Variants in CDK13 observed in about 807,000 individuals in gnomAD.
The protein encoded by CDK13 is cyclin-dependent kinase 13.
CDK13 carries 40 observed loss-of-function variants against 137.6 expected under a neutral mutation model. The observed-to-expected ratio is 0.29, with a 90% CI of 0.23 to 0.38. CDK13 has a LOEUF of 0.38. CDK13 is among the 10% of genes least tolerant of loss of function. The pLI is 1.00. For missense variants in CDK13, 1,704 were observed against 1,951.8 expected (o/e 0.87, Z 2.39); for synonymous variants, 869 against 760.1 (o/e 1.14, Z -2.36).
chr7:40,079,854 T>C (rs1296445669), intron 11 of CDK13, among the ~76,000 whole-genome samples: 1 of 152,230 alleles, frequency 6.6e-6, no homozygotes, highest in East Asian at 1.9e-4. Context: ...AGCTGGCTTC[T>C]CTTGAACCTG....
chr7:40,061,834 C>T (rs1015350827), intron 7 of CDK13: 2 of 152,176 alleles, frequency 1.3e-5, no homozygotes, highest in African/African-American at 4.8e-5. Context: ...GTGCTGTTTT[C>T]GTCAAACCTG....
intron 5 of CDK13, among the ~76,000 whole-genome samples, chr7:40,003,188 ACACACACACACACACACACT>A (rs1245973082): frequency 3.1e-5 from 3 of 97,264 alleles, no homozygotes; most frequent in South Asian, 3.3e-4. Flanking sequence ...ACACACACAC[ACACACACACACACACACACT>A]CTCTCTCTCT....
chr7:40,020,254 G>GTTTCT (rs1223446372), intron 5 of CDK13, among the ~76,000 whole-genome samples: 3 of 151,954 alleles, frequency 2.0e-5, no homozygotes, highest in African/African-American at 7.3e-5. Context: ...TTTCAGTAGA[G>GTTTCT]ATGGGGTTTC....
chr7:40,047,949 T>C, intron 7 of CDK13, 72 bp downstream of exon 7: 1 of 917,500 alleles, frequency 1.1e-6, no homozygotes, highest in Non-Finnish European at 1.7e-6. Flanking sequence ...GAATACCTTA[T>C]TGATAGTTTT....
Position 39,951,357 on chromosome 7 carries a change from G to T in CDK13, c.716G>T (p.Gly239Val). Residue 239 changes from glycine (G) to valine (V), a missense_variant, in exon 1 of 14, where the codon GGC becomes GTC. Coordinates refer to ENST00000181839, the MANE Select transcript of CDK13 (RefSeq NM_003718.5). The part of the protein sequence containing the change: ...SKSRSRHSHS[G>V]EERAEVAKSG... ...TCCCGCAGCCGCCACAGCCACAGCG[G>T]CGAGGAACGGGCCGAGGTCGCCAAG... 3 of 1,497,176 alleles carry T rather than the reference G, an allele frequency of 2.0e-6. No homozygotes were observed. The South Asian group carries it at 3.8e-5, about 19-fold the overall frequency. 92.7% of individuals were successfully genotyped at this position (1,497,176 alleles called of 1,614,324 possible).
chr7:39,984,507 A>G (rs1346411866), intron 1 of CDK13: 1 of 152,036 alleles, frequency 6.6e-6, no homozygotes, highest in Non-Finnish European at 1.5e-5. Context: ...TGCATAGTAG[A>G]TGTATATATT....
At chr7:40,031,532 A>G (rs1785379337) in intron 5 of CDK13, among the ~76,000 whole-genome samples, 1 of 152,164 alleles carries the variant, frequency 6.6e-6, no homozygotes, top group Non-Finnish European at 1.5e-5. Context: ...GAAAAAAAGA[A>G]AAGAAATATG....
intron 1 of CDK13, among the ~76,000 whole-genome samples, chr7:39,983,424 A>G (rs1226176895): frequency 1.3e-5 from 2 of 152,154 alleles, no homozygotes; most frequent in South Asian, 2.1e-4. Flanking sequence ...CCCGGCCCCA[A>G]AATATCTTTA....
intron 5 of CDK13, among the ~76,000 whole-genome samples, chr7:40,013,929 C>A (rs1784949160): frequency 6.6e-6 from 1 of 151,806 alleles, no homozygotes; most frequent in Non-Finnish European, 1.5e-5. Flanking sequence ...GAATACTATG[C>A]CAAGGAACCA....
intron 5 of CDK13, among the ~76,000 whole-genome samples, chr7:40,036,294 A>G (rs991720407): frequency 4.6e-5 from 7 of 152,206 alleles, no homozygotes; most frequent in African/African-American, 1.7e-4. Flanking sequence ...GCCTTCTAAA[A>G]TTTTATTTAC....
intron 1 of CDK13, among the ~76,000 whole-genome samples, chr7:39,968,521 C>T (rs913299647): frequency 2.0e-4 from 31 of 152,354 alleles, no homozygotes; most frequent in African/African-American, 7.5e-4. Flanking sequence ...TACAGACATG[C>T]ACCACTGTGC....
chr7:39,987,234 A>G (rs757569880), intron 1 of CDK13: 19 of 168,754 alleles, frequency 1.1e-4, no homozygotes, highest in Admixed American at 1.2e-4. Flanking sequence ...TACTTTTGAG[A>G]TGTGGCAACT....
intron 5 of CDK13, among the ~76,000 whole-genome samples, chr7:40,039,271 TAG>T (rs905005743): frequency 7.3e-5 from 11 of 150,734 alleles, no homozygotes; most frequent in East Asian, 3.9e-4. Flanking sequence ...TATATACAGA[TAG>T]AGAGAGAGAG....
chr7:40,019,338 G>A (rs1785066372), intron 5 of CDK13, among the ~76,000 whole-genome samples: 1 of 152,122 alleles, frequency 6.6e-6, no homozygotes, highest in Non-Finnish European at 1.5e-5. Flanking sequence ...ACAAACTTAA[G>A]CTAAAATTCA....
intron 5 of CDK13, among the ~76,000 whole-genome samples, chr7:40,008,161 G>T (rs1225976989): frequency 1.3e-5 from 2 of 152,114 alleles, no homozygotes; most frequent in African/African-American, 4.8e-5. Flanking sequence ...AATGTTTATT[G>T]TGCTAGTTTC....
chr7:40,055,068 T>G (rs1334311357), intron 7 of CDK13, among the ~76,000 whole-genome samples: 1 of 152,138 alleles, frequency 6.6e-6, no homozygotes, highest in East Asian at 1.9e-4. Context: ...CCATTATTTT[T>G]GGGTCTTTAC....
chr7:40,004,931 G>A (rs1487978618), intron 5 of CDK13, among the ~76,000 whole-genome samples: 1 of 152,126 alleles, frequency 6.6e-6, no homozygotes, highest in East Asian at 1.9e-4. Flanking sequence ...CTTAGGGAAG[G>A]CCGAGGTAGG....
chr7:40,057,451 G>T (rs1786045451), intron 7 of CDK13, among the ~76,000 whole-genome samples: 1 of 152,184 alleles, frequency 6.6e-6, no homozygotes, highest in Non-Finnish European at 1.5e-5. Flanking sequence ...AGAGTAATGA[G>T]CCAGGCCTAG....
chr7:40,009,600 T>C (rs1784856332), intron 5 of CDK13, among the ~76,000 whole-genome samples: 1 of 152,244 alleles, frequency 6.6e-6, no homozygotes, highest in Non-Finnish European at 1.5e-5. Context: ...ACATTTCTTT[T>C]TTTAACATTT....
Sources: allele counts gnomAD v4.1 joint callset (sites outside exome capture counted in the v4.1 genomes callset), GRCh38; gene constraint gnomAD v4.1.1; transcripts MANE v1.5; gene names NCBI Gene and HGNC (gene_info 2026-07-23, HGNC 2026-07-21).